Variants in ALK observed in about 807,000 individuals in gnomAD.
ALK encodes ALK tyrosine kinase receptor.
Under a neutral mutation model 163.1 loss-of-function variants are expected in ALK, and 74 were observed. The observed-to-expected ratio is 0.45, with a 90% confidence interval of 0.38 to 0.55. The LOEUF (loss-of-function observed/expected upper bound fraction) is 0.55, where lower values mean the gene tolerates loss of function less well. ALK is among the 20% of genes least tolerant of loss of function. The pLI is 0.00. For synonymous variants in ALK, 960 were observed against 843.2 expected (o/e 1.14, Z -2.40); for missense variants, 2,063 against 2,105.3 (o/e 0.98, Z 0.39).
chr2:29,387,869 A>G (rs992490538), intron 4 of ALK, among the ~76,000 whole-genome samples: 1 of 152,232 alleles, frequency 6.6e-6, no homozygotes, highest in Non-Finnish European at 1.5e-5. Context: ...AATAAAGCAT[A>G]TTATTGCTCC....
chr2:29,238,139 C>T (rs1664430672), intron 13 of ALK, among the ~76,000 whole-genome samples: 1 of 152,170 alleles, frequency 6.6e-6, no homozygotes, highest in Admixed American at 6.5e-5. Context: ...TCCCCGCTGC[C>T]CCCATAGATG....
At chr2:29,347,954 G>A (rs1667999416) in intron 5 of ALK, among the ~76,000 whole-genome samples, 1 of 152,126 alleles carries the variant, frequency 6.6e-6, no homozygotes, top group African/African-American at 2.4e-5. Context: ...AAATTACATT[G>A]GTGCTGGTTC....
At chr2:29,868,736 G>A (rs184127487) in intron 1 of ALK, among the ~76,000 whole-genome samples, 19 of 152,262 alleles carry the variant, frequency 1.2e-4, no homozygotes, top group South Asian at 6.2e-4. Context: ...CATCCCACAC[G>A]TTTTCCTTGT....
chr2:29,564,431 C>T (rs1238097165), intron 3 of ALK, among the ~76,000 whole-genome samples: 1 of 115,348 alleles, frequency 8.7e-6, no homozygotes, highest in Non-Finnish European at 1.9e-5. Context: ...CATAAAGGAT[C>T]CCTACCACCA....
At position 29,649,217 on chromosome 2, in the gene ALK, T is replaced by TGAGAGAGAGA. The variant is rs141534978; in HGVS notation, c.952+45623_952+45632dup. Among the ~76,000 whole-genome samples the TGAGAGAGAGA allele has an allele frequency of 4.8e-3, 715 of 147,520 alleles. 5 individuals carry two copies. Among genetic ancestry groups the TGAGAGAGAGA allele is most frequent in the African/African-American group, 9.0e-3 (360 of 39,874 alleles). Reference sequence around the variant, plus strand: ...GTGTGTGAGAGAGAGTGTGTGTATGTGAGAGAGAGAGAGAGAGAGAGAGAG... The same window carrying TGAGAGAGAGA: ...GTGTGTGAGAGAGAGTGTGTGTATGTGAGAGAGAGAGAGAGAGAGAGAGAGAGAGAGAGAG... On this transcript the variant is annotated intron_variant, in intron 3 of 28. Coordinates refer to ENST00000389048, the MANE Select transcript of ALK (RefSeq NM_004304.5).
chr2:29,593,578 G>A (rs1675121514), intron 3 of ALK, among the ~76,000 whole-genome samples: 1 of 152,176 alleles, frequency 6.6e-6, no homozygotes, highest in South Asian at 2.1e-4. Flanking sequence ...CACCTTAGAG[G>A]GAACTCTAGG....
At chr2:29,238,477 A>G (rs1030423422) in intron 13 of ALK, among the ~76,000 whole-genome samples, 13 of 152,152 alleles carry the variant, frequency 8.5e-5, no homozygotes, top group Admixed American at 5.9e-4. Context: ...GATTACAGGC[A>G]TGAACCACCG....
At chr2:29,332,566 T>G (rs990123879) in intron 5 of ALK, among the ~76,000 whole-genome samples, 1 of 152,232 alleles carries the variant, frequency 6.6e-6, no homozygotes, top group African/African-American at 2.4e-5. Context: ...GGCCACCATT[T>G]TTAACATCTT....
intron 1 of ALK, among the ~76,000 whole-genome samples, chr2:29,725,296 C>T (rs975188085): frequency 9.2e-5 from 14 of 152,074 alleles, no homozygotes; most frequent in Admixed American, 5.2e-4. Flanking sequence ...CACATTCTAT[C>T]CCATTACTCC....
chr2:29,297,965 C>T (rs912819498), intron 8 of ALK, among the ~76,000 whole-genome samples: 8 of 152,278 alleles, frequency 5.3e-5, no homozygotes, highest in Middle Eastern at 3.4e-3. Context: ...CTGGCAGTTT[C>T]GTCAGAGTAA....
chr2:29,743,396 T>A (rs1680115818), intron 1 of ALK, among the ~76,000 whole-genome samples: 1 of 152,126 alleles, frequency 6.6e-6, no homozygotes, highest in African/African-American at 2.4e-5. Context: ...GTTATGTACA[T>A]AAGACAGAGT....
intron 1 of ALK, among the ~76,000 whole-genome samples, chr2:29,735,141 G>A (rs1018631252): frequency 3.3e-5 from 5 of 151,082 alleles, no homozygotes; most frequent in African/African-American, 1.2e-4. Flanking sequence ...TCATCTAGGG[G>A]TTGCAGGGAG....
chr2:29,595,699 G>A (rs1236149989), intron 3 of ALK, among the ~76,000 whole-genome samples: 1 of 152,152 alleles, frequency 6.6e-6, no homozygotes, highest in South Asian at 2.1e-4. Flanking sequence ...CATGGGAGTA[G>A]GGGGAACAGA....
intron 2 of ALK, among the ~76,000 whole-genome samples, chr2:29,697,217 C>T (rs982191479): frequency 3.3e-5 from 5 of 152,130 alleles, no homozygotes; most frequent in Non-Finnish European, 5.9e-5. Flanking sequence ...TTCCTCACAG[C>T]CTGCTTTGCC....
intron 1 of ALK, among the ~76,000 whole-genome samples, chr2:29,817,018 C>A (rs575531276): frequency 6.6e-6 from 1 of 152,234 alleles, no homozygotes; most frequent in South Asian, 2.1e-4. Flanking sequence ...ATTACATCCT[C>A]ACAACAACCC....
intron 3 of ALK, among the ~76,000 whole-genome samples, chr2:29,611,562 T>C (rs926468882): frequency 2.0e-5 from 3 of 151,982 alleles, no homozygotes; most frequent in Non-Finnish European, 4.4e-5. Context: ...AAAGAGGAGG[T>C]TATATAAATA....
At chr2:29,505,805 T>TG (rs1672303249) in intron 4 of ALK, among the ~76,000 whole-genome samples, 1 of 78,074 alleles carries the variant, frequency 1.3e-5, no homozygotes, top group Non-Finnish European at 3.1e-5. Flanking sequence ...CTACACTAAT[T>TG]GAAAAAAAAA....
chr2:29,474,917 GC>G (rs1671467737), intron 4 of ALK, among the ~76,000 whole-genome samples: 1 of 152,154 alleles, frequency 6.6e-6, no homozygotes, highest in Non-Finnish European at 1.5e-5. Flanking sequence ...GCTGGACGGG[GC>G]CTGGCTGCCA....
chr2:29,717,650 CAGGAGA>C lies in ALK; in HGVS notation c.709_714del (p.Ser237_Pro238del). On this transcript the variant is annotated inframe_deletion, in exon 2 of 29. Coordinates refer to ENST00000389048, the MANE Select transcript of ALK (RefSeq NM_004304.5). The stretch of plus-strand genomic sequence containing the variant: ...CAGGTGAGATTCCATGTAAAATAAT[CAGGAGA>C]AGGAGAAGGCATGTTTGTTGGTGAT... The C allele has an allele frequency of 6.2e-7, 1 of 1,613,870 alleles. No homozygotes were observed. Among genetic ancestry groups the C allele is most frequent in the African/African-American group, 1.3e-5 (1 of 75,006 alleles).
Sources: allele counts gnomAD v4.1 joint callset (sites outside exome capture counted in the v4.1 genomes callset), GRCh38; gene constraint gnomAD v4.1.1; transcripts MANE v1.5; gene names NCBI Gene and HGNC (gene_info 2026-07-23, HGNC 2026-07-21).